Variants in UBE2E2 observed in about 807,000 individuals in gnomAD.
UBE2E2 encodes ubiquitin conjugating enzyme E2 E2, also known as ubiquitin-conjugating enzyme E2 E2.
Under a neutral mutation model 24.7 loss-of-function variants are expected in UBE2E2, and 6 were observed. The ratio of observed to expected loss-of-function variants is 0.24; its 90% CI spans 0.13 to 0.48. UBE2E2 has a LOEUF of 0.48. UBE2E2 is among the 20% of genes least tolerant of loss of function. The pLI, the probability that UBE2E2 is intolerant of heterozygous loss-of-function variation, is 0.99. For synonymous variants in UBE2E2, 104 were observed against 83.6 expected, an observed-to-expected ratio of 1.24 and a Z score of -1.33; for missense variants, 169 against 245.0, an observed-to-expected ratio of 0.69 and a Z score of 2.07.
intron 3 of UBE2E2, among the ~76,000 whole-genome samples, chr3:23,283,018 A>T (rs1698523663): frequency 6.6e-6 from 1 of 152,152 alleles, no homozygotes; most frequent in African/African-American, 2.4e-5. Flanking sequence ...TAGGAAATTG[A>T]TAGAAACTAA....
At chr3:23,213,303 T>C (rs1399283196) in intron 2 of UBE2E2, among the ~76,000 whole-genome samples, 1 of 152,084 alleles carries the variant, frequency 6.6e-6, no homozygotes, top group Non-Finnish European at 1.5e-5. Flanking sequence ...CCCAATATAT[T>C]GATGTTAAAA....
chr3:23,539,531 G>C (rs1695340670), intron 5 of UBE2E2, among the ~76,000 whole-genome samples: 1 of 152,106 alleles, frequency 6.6e-6, no homozygotes, highest in South Asian at 2.1e-4. Flanking sequence ...ACAGTGTTGT[G>C]TTTATCATCT....
chr3:23,499,536 A>C, intron 3 of UBE2E2, 72 bp from the exon 4 acceptor site: 2 of 1,544,318 alleles, frequency 1.3e-6, no homozygotes, highest in African/African-American at 2.8e-5. Flanking sequence ...ATTGGTTATC[A>C]TAAATAGATT....
intron 3 of UBE2E2, among the ~76,000 whole-genome samples, chr3:23,275,667 C>T (rs1319918722): frequency 1.3e-5 from 2 of 151,938 alleles, no homozygotes; most frequent in African/African-American, 2.4e-5. Flanking sequence ...GGTAGAGGTG[C>T]TTAAAATTTT....
chr3:23,317,166 G>A (rs892234017), intron 3 of UBE2E2, among the ~76,000 whole-genome samples: 8 of 152,148 alleles, frequency 5.3e-5, no homozygotes, highest in Admixed American at 1.3e-4. Flanking sequence ...AGCCCAGCAC[G>A]GCACTAGGAC....
At chr3:23,519,707 C>T (rs888429033) in intron 4 of UBE2E2, among the ~76,000 whole-genome samples, 2 of 152,030 alleles carry the variant, frequency 1.3e-5, no homozygotes, top group South Asian at 2.1e-4. Flanking sequence ...GACAGGGTCT[C>T]GCTCTATTGC....
intron 3 of UBE2E2, among the ~76,000 whole-genome samples, chr3:23,293,068 C>T (rs907683546): frequency 4.6e-5 from 7 of 152,000 alleles, no homozygotes; most frequent in Non-Finnish European, 8.8e-5. Context: ...AGCGAAACTC[C>T]GTCTCAAAAA....
At chr3:23,340,870 A>G (rs758731472) in intron 3 of UBE2E2, among the ~76,000 whole-genome samples, 35 of 152,246 alleles carry the variant, frequency 2.3e-4, no homozygotes, top group Admixed American at 1.6e-3. Flanking sequence ...TATTCAAGCA[A>G]TATACTTTCA....
At chr3:23,382,251 G>A (rs777718606) in intron 3 of UBE2E2, among the ~76,000 whole-genome samples, 1 of 134,110 alleles carries the variant, frequency 7.5e-6, no homozygotes, top group African/African-American at 2.9e-5. Flanking sequence ...GCGCAATCTC[G>A]GCTCACCGCA....
chr3:23,230,898 A>T (rs1448010465), intron 3 of UBE2E2, among the ~76,000 whole-genome samples: 1 of 151,864 alleles, frequency 6.6e-6, no homozygotes. Flanking sequence ...TATTAAGCTT[A>T]TTCTGTGTGA....
In UBE2E2 at chr3:23,217,247, G is replaced by C; in HGVS notation, c.177-15G>C. On this transcript the variant is annotated splice_polypyrimidine_tract_variant and intron_variant, in intron 2 of 5. Coordinates refer to ENST00000396703, the MANE Select transcript of UBE2E2 (RefSeq NM_152653.4). Reference sequence around the variant, plus strand: ...AGATATTTTTAACATAATGTTCTTTGTCTTTATTTTAAAGAATTCAGAAGG... The same window carrying C: ...AGATATTTTTAACATAATGTTCTTTCTCTTTATTTTAAAGAATTCAGAAGG... 1 of 1,607,632 alleles carries C rather than the reference G, an allele frequency of 6.2e-7. No individual in the cohort carries two copies. Among genetic ancestry groups the C allele is most frequent in the Non-Finnish European group, 8.5e-7 (1 of 1,174,814 alleles).
At chr3:23,360,877 A>G (rs558186249) in intron 3 of UBE2E2, among the ~76,000 whole-genome samples, 2 of 152,278 alleles carry the variant, frequency 1.3e-5, no homozygotes, top group African/African-American at 4.8e-5. Context: ...ACCAAAAGAA[A>G]TAATCAGCAG....
intron 3 of UBE2E2, among the ~76,000 whole-genome samples, chr3:23,452,605 A>G (rs1698590332): frequency 6.6e-6 from 1 of 152,214 alleles, no homozygotes. Flanking sequence ...GATCCTAGTT[A>G]TAATCTTTAT....
chr3:23,354,302 A>G (rs548332736), intron 3 of UBE2E2, among the ~76,000 whole-genome samples: 1 of 152,316 alleles, frequency 6.6e-6, no homozygotes, highest in Non-Finnish European at 1.5e-5. Context: ...AAACCTAGGC[A>G]TTACCATTGA....
chr3:23,290,793 C>G (rs867114194), intron 3 of UBE2E2, among the ~76,000 whole-genome samples: 1 of 150,462 alleles, frequency 6.6e-6, no homozygotes, highest in African/African-American at 2.4e-5. Flanking sequence ...TGGCTCTCAC[C>G]TGTAATCCCA....
At chr3:23,309,300 A>C (rs77103548) in intron 3 of UBE2E2, among the ~76,000 whole-genome samples, 2,007 of 152,306 alleles carry the variant, frequency 0.013, 43 homozygotes, top group African/African-American at 0.045. Context: ...CCCTCAATCC[A>C]GTCAAGTTTA....
chr3:23,307,996 A>G (rs768807193), intron 3 of UBE2E2, among the ~76,000 whole-genome samples: 5 of 152,144 alleles, frequency 3.3e-5, no homozygotes, highest in African/African-American at 7.2e-5. Flanking sequence ...GGCACCTTCT[A>G]GGGAAACAGG....
chr3:23,433,244 A>G (rs1698107661), intron 3 of UBE2E2, among the ~76,000 whole-genome samples: 1 of 151,878 alleles, frequency 6.6e-6, no homozygotes, highest in African/African-American at 2.4e-5. Flanking sequence ...TTGCTATATC[A>G]TTATTGTGCT....
rs567458944 is a variant in UBE2E2, at chr3:23,380,917, A to C, written c.228-118691A>C. Among the ~76,000 whole-genome samples, 7 of 152,292 alleles carry C rather than the reference A, an allele frequency of 4.6e-5. No homozygotes were observed. The South Asian group carries it at 1.5e-3, about 32-fold the overall frequency. ...ACTAAGGTAGGTAGACCAAGTTTTG[A>C]AACATAACTAGTTTATAATTTGGGA... On this transcript the variant is annotated intron_variant, in intron 3 of 5. Coordinates refer to ENST00000396703, the MANE Select transcript of UBE2E2 (RefSeq NM_152653.4).
Sources: allele counts gnomAD v4.1 joint callset (sites outside exome capture counted in the v4.1 genomes callset), GRCh38; gene constraint gnomAD v4.1.1; transcripts MANE v1.5; gene names NCBI Gene and HGNC (gene_info 2026-07-23, HGNC 2026-07-21).